Variants in MOB3B observed in about 807,000 individuals in gnomAD.
MOB3B encodes MOB kinase activator 3B.
MOB3B carries 7 observed loss-of-function variants against 18.7 expected under a neutral mutation model. The ratio of observed to expected loss-of-function variants is 0.37; its 90% CI spans 0.21 to 0.70. The LOEUF is 0.70. Ranked by LOEUF, MOB3B falls within the 30% of genes least tolerant of loss-of-function variation. MOB3B has a pLI of 0.52. For missense variants in MOB3B, 253 were observed against 281.3 expected (o/e 0.90, Z 0.72); for synonymous variants, 111 against 99.9 (o/e 1.11, Z -0.66).
At chr9:27,512,976 G>A (rs992073103) in intron 1 of MOB3B, among the ~76,000 whole-genome samples, 4 of 152,082 alleles carry the variant, frequency 2.6e-5, no homozygotes, top group African/African-American at 9.7e-5. Flanking sequence ...GGAAATTCAA[G>A]CCTCAACCTC....
chr9:27,406,430 G>A (rs1821979004), intron 2 of MOB3B, among the ~76,000 whole-genome samples: 1 of 152,166 alleles, frequency 6.6e-6, no homozygotes, highest in Non-Finnish European at 1.5e-5. Context: ...AATAGCCGAA[G>A]CAATCCTGGG....
chr9:27,337,520 C>G (rs1820881177), intron 3 of MOB3B, among the ~76,000 whole-genome samples: 2 of 152,220 alleles, frequency 1.3e-5, no homozygotes, highest in South Asian at 4.1e-4. Context: ...CATTTCCACA[C>G]TCAATGTTAC....
intron 1 of MOB3B, among the ~76,000 whole-genome samples, chr9:27,496,817 CTGT>C (rs1028914070): frequency 3.9e-5 from 6 of 152,300 alleles, no homozygotes; most frequent in African/African-American, 1.4e-4. Context: ...CCTCATTATG[CTGT>C]TGTTATTAAG....
At chr9:27,357,922 T>G (rs1054245144) in intron 3 of MOB3B, among the ~76,000 whole-genome samples, 4 of 54,242 alleles carry the variant, frequency 7.4e-5, no homozygotes, top group Non-Finnish European at 1.2e-4. Context: ...AAAAAAAAAA[T>G]AGCCATGCCA....
chr9:27,449,444 A>C (rs1822747808), intron 2 of MOB3B, among the ~76,000 whole-genome samples: 1 of 152,188 alleles, frequency 6.6e-6, no homozygotes, highest in African/African-American at 2.4e-5. Flanking sequence ...TAATCCTTAC[A>C]ACAGTCCTGT....
At chr9:27,444,146 A>AG (rs1822640604) in intron 2 of MOB3B, among the ~76,000 whole-genome samples, 1 of 134,412 alleles carries the variant, frequency 7.4e-6, no homozygotes, top group East Asian at 2.1e-4. Flanking sequence ...GAGAGAAAGA[A>AG]GAAGGAAAGA....
At chr9:27,462,203 C>G (rs1819304329) in intron 1 of MOB3B, among the ~76,000 whole-genome samples, 2 of 152,010 alleles carry the variant, frequency 1.3e-5, no homozygotes, top group Non-Finnish European at 2.9e-5. Flanking sequence ...ATAATGACAT[C>G]CTACTGATTA....
intron 1 of MOB3B, among the ~76,000 whole-genome samples, chr9:27,471,645 C>T (rs1205385624): frequency 5.9e-5 from 9 of 152,186 alleles, no homozygotes; most frequent in Non-Finnish European, 1.5e-5. Flanking sequence ...CAAAGGGCTG[C>T]CATGAGAGTT....
intron 1 of MOB3B, among the ~76,000 whole-genome samples, chr9:27,467,078 T>G (rs762429798): frequency 6.6e-5 from 10 of 152,136 alleles, no homozygotes; most frequent in Non-Finnish European, 1.3e-4. Flanking sequence ...GACAAATAAT[T>G]AATGATTCTA....
rs563328453 is a variant in MOB3B, at chr9:27,483,186, G to A, written c.-198-27438C>T. 1.8e-3 allele frequency among the ~76,000 whole-genome samples: 220 copies of A among 125,280 alleles called. 1 individual carries two copies. Among genetic ancestry groups the A allele is most frequent in the African/African-American group, 6.3e-3 (211 of 33,568 alleles). 82.2% of individuals were successfully genotyped at this position (125,280 alleles called of 152,430 possible). On this transcript the variant is annotated intron_variant, in intron 1 of 3. Coordinates refer to ENST00000262244, the MANE Select transcript of MOB3B (RefSeq NM_024761.5). The stretch of plus-strand genomic sequence containing the variant: ...CTTGCTCTGTCGCCCAGGCTGGAGT[G>A]TAGTGGCGCCATCTTGGCTCACTGC...
intron 1 of MOB3B, among the ~76,000 whole-genome samples, chr9:27,513,882 CAGAT>C (rs200027729): frequency 0.17 from 24,274 of 145,556 alleles, 2,486 homozygotes; most frequent in Middle Eastern, 0.26. Flanking sequence ...GATGGATAAA[CAGAT>C]GGATGGATGG....
rs184904544 is a variant in MOB3B at position 27,411,805 on chromosome 9, G to C, written c.418+43328C>G. Among the ~76,000 whole-genome samples, 179 of 152,220 alleles carry C rather than the reference G, an allele frequency of 1.2e-3. 1 individual carries two copies. The highest frequency in any genetic ancestry group is 4.1e-3 in the African/African-American group (172 of 41,560). On this transcript the variant is annotated intron_variant, in intron 2 of 3. Transcript: ENST00000262244. ...AACCCATAGAACTATACACAACACA[G>C]AGTCAACCCTAATGTAAACTATGGA... is the stretch of plus-strand genomic sequence containing the variant.
intron 2 of MOB3B, among the ~76,000 whole-genome samples, chr9:27,402,713 G>C (rs1445457587): frequency 6.6e-6 from 1 of 152,230 alleles, no homozygotes; most frequent in Non-Finnish European, 1.5e-5. Context: ...TTTCCAGCAG[G>C]CCCTTTGGTG....
At chr9:27,525,023 A>C in intron 1 of MOB3B, 1 of 1,377,492 alleles carries the variant, frequency 7.3e-7, no homozygotes, top group Non-Finnish European at 9.8e-7. Context: ...CTCCTCCTCC[A>C]ACTTCTTTTT....
intron 2 of MOB3B, among the ~76,000 whole-genome samples, chr9:27,372,508 G>T (rs1392036782): frequency 1.3e-5 from 2 of 152,118 alleles, no homozygotes; most frequent in Non-Finnish European, 2.9e-5. Flanking sequence ...TGGCTTTATA[G>T]TCAAGAAACC....
At chr9:27,431,282 CAT>C (rs1185945371) in intron 2 of MOB3B, among the ~76,000 whole-genome samples, 3 of 152,114 alleles carry the variant, frequency 2.0e-5, no homozygotes, top group African/African-American at 2.4e-5. Context: ...AGAGATGTAA[CAT>C]GTGGTTTTAT....
intron 2 of MOB3B, among the ~76,000 whole-genome samples, chr9:27,429,564 G>A (rs1000504723): frequency 6.6e-6 from 1 of 152,124 alleles, no homozygotes; most frequent in Non-Finnish European, 1.5e-5. Context: ...CTAGAACTAA[G>A]ACAATGGCTC....
At chr9:27,360,311 CT>C (rs1429209946) in intron 2 of MOB3B, among the ~76,000 whole-genome samples, 9 of 152,240 alleles carry the variant, frequency 5.9e-5, no homozygotes, top group African/African-American at 1.7e-4. Flanking sequence ...TGAGACCAGT[CT>C]GGCCAACATG....
Position 27,442,908 on chromosome 9 carries a change from A to T in MOB3B, c.418+12225T>A, listed in dbSNP as rs181093873. Among the ~76,000 whole-genome samples the T allele has an allele frequency of 2.1e-3, 325 of 152,268 alleles. 2 individuals are homozygous for T. The highest frequency in any genetic ancestry group is 4.2e-3 in the Non-Finnish European group (283 of 68,020). On this transcript the variant is annotated intron_variant, in intron 2 of 3. Transcript: ENST00000262244. ...ACCATAACCACAATGTCTCAAGTAA[A>T]TAATTTTTTCAAAGTAACAGCCCTG... is the stretch of plus-strand genomic sequence containing the variant.
Sources: allele counts gnomAD v4.1 joint callset (sites outside exome capture counted in the v4.1 genomes callset), GRCh38; gene constraint gnomAD v4.1.1; transcripts MANE v1.5; gene names NCBI Gene and HGNC (gene_info 2026-07-23, HGNC 2026-07-21).